HABP4: variants seen among roughly 807,000 people sequenced by gnomAD.
The protein encoded by HABP4 is intracellular hyaluronan-binding protein 4.
HABP4 carries 32 observed loss-of-function variants against 44.1 expected under a neutral mutation model. The ratio of observed to expected loss-of-function variants is 0.73; its 90% CI spans 0.55 to 0.97. The LOEUF (loss-of-function observed/expected upper bound fraction) is 0.97. Among genes scored for constraint, HABP4 ranks in the 50% least tolerant of loss-of-function variants. The pLI is 0.00. For synonymous variants in HABP4, 216 were observed against 218.0 expected, an observed-to-expected ratio of 0.99 and a Z score of 0.08; for missense variants, 503 against 561.9, an observed-to-expected ratio of 0.90 and a Z score of 1.06.
chr9:96,474,559 G>T (rs1277410905), intron 5 of HABP4, among the ~76,000 whole-genome samples: 1 of 152,136 alleles, frequency 6.6e-6, no homozygotes, highest in Non-Finnish European at 1.5e-5. Context: ...CTTTTCTGCT[G>T]ACCTGGGGGG....
At chr9:96,470,961 A>G (rs1341670049) in intron 4 of HABP4, 50 bp from the exon 5 acceptor site, 2 of 1,011,394 alleles carry the variant, frequency 2.0e-6, no homozygotes, top group African/African-American at 3.2e-5. Flanking sequence ...ATACAAAGGC[A>G]TTGGTATGAA....
chr9:96,481,613 C>G (rs1832881566), intron 5 of HABP4, among the ~76,000 whole-genome samples: 1 of 151,864 alleles, frequency 6.6e-6, no homozygotes, highest in South Asian at 2.1e-4. Flanking sequence ...GGCCTGATGG[C>G]TCGTACCTGT....
intron 5 of HABP4, among the ~76,000 whole-genome samples, chr9:96,481,567 A>AC (rs532698887): frequency 1.9e-4 from 29 of 151,674 alleles, no homozygotes; most frequent in African/African-American, 5.8e-4. Flanking sequence ...ACATGGAGAG[A>AC]CCCCGTCTCT....
chr9:96,463,792 C>T (rs914395590), intron 2 of HABP4, among the ~76,000 whole-genome samples: 2 of 152,188 alleles, frequency 1.3e-5, no homozygotes, highest in East Asian at 1.9e-4. Context: ...TATTGTATAG[C>T]GGTTTCTTAA....
At chr9:96,477,587 C>G (rs1832802789) in intron 5 of HABP4, among the ~76,000 whole-genome samples, 1 of 152,120 alleles carries the variant, frequency 6.6e-6, no homozygotes, top group African/African-American at 2.4e-5. Context: ...CAAGACACTT[C>G]TTCAGTTTCC....
chr9:96,451,399 A>C (rs1383378375), intron 1 of HABP4: 1 of 831,632 alleles, frequency 1.2e-6, no homozygotes, highest in African/African-American at 1.8e-5. Flanking sequence ...TTCAGAGTTC[A>C]TTCTCTCACC....
At chr9:96,458,947 T>A (rs1587673493) in intron 2 of HABP4, among the ~76,000 whole-genome samples, 1 of 152,168 alleles carries the variant, frequency 6.6e-6, no homozygotes, top group African/African-American at 2.4e-5. Context: ...TTCTACTGGC[T>A]ACTGCTTTTT....
At chr9:96,485,662 G>A (rs1832963620) in intron 6 of HABP4, among the ~76,000 whole-genome samples, 1 of 152,136 alleles carries the variant, frequency 6.6e-6, no homozygotes, top group Admixed American at 6.5e-5. Context: ...GATGCCATGG[G>A]GTCATCAAGT....
At chr9:96,457,212 C>G (rs954990117) in intron 1 of HABP4, among the ~76,000 whole-genome samples, 7 of 151,980 alleles carry the variant, frequency 4.6e-5, no homozygotes, top group African/African-American at 7.3e-5. Flanking sequence ...ACTGAAAATA[C>G]AACATTAGCC....
chr9:96,454,283 T>A (rs1007778183), intron 1 of HABP4, among the ~76,000 whole-genome samples: 9 of 152,212 alleles, frequency 5.9e-5, no homozygotes, highest in Admixed American at 3.3e-4. Flanking sequence ...TTAAAATAAC[T>A]CTTTTTACGC....
At chr9:96,472,296 C>T (rs543951518) in intron 5 of HABP4, among the ~76,000 whole-genome samples, 15 of 152,220 alleles carry the variant, frequency 9.9e-5, no homozygotes, top group South Asian at 2.1e-4. Flanking sequence ...CAGGCCTTGG[C>T]GATCCCCGGT....
Position 96,471,041 on chromosome 9 carries a change from AC to A in HABP4, c.777del (p.Thr260GlnfsTer23). The A allele has an allele frequency of 6.2e-7, 1 of 1,609,040 alleles. No individual in the cohort carries two copies. Among genetic ancestry groups the A allele is most frequent in the Non-Finnish European group, 8.5e-7 (1 of 1,175,410 alleles). On this transcript the variant is annotated frameshift_variant, in exon 5 of 8. Transcript: ENST00000375249. LOFTEE classifies it high-confidence loss of function. ...TGGAGCCAACTGCACCGATGGAGGA[AC>A]CCACAGTGGTGGAGGAGTCCCAGGG... ...DVEPTAPMEE[P>X]TVVEESQGTP... is the part of the protein sequence containing the mutation.
chr9:96,456,628 C>T (rs371898426), intron 1 of HABP4, among the ~76,000 whole-genome samples: 3 of 150,676 alleles, frequency 2.0e-5, no homozygotes, highest in Non-Finnish European at 3.0e-5. Context: ...GGCGTGGTGG[C>T]GGGCGCCTAT....
At chr9:96,475,500 T>C (rs1832772660) in intron 5 of HABP4, among the ~76,000 whole-genome samples, 1 of 152,038 alleles carries the variant, frequency 6.6e-6, no homozygotes, top group African/African-American at 2.4e-5. Flanking sequence ...TCTTTGCCAC[T>C]CCATGAAGGA....
chr9:96,472,500 C>A (rs371421420), intron 5 of HABP4, among the ~76,000 whole-genome samples: 58 of 152,334 alleles, frequency 3.8e-4, no homozygotes, highest in East Asian at 1.5e-3. Flanking sequence ...GCCAAAGATA[C>A]AAGACTGCTA....
chr9:96,450,606 C>G lies in HABP4; in HGVS notation c.327C>G (p.Pro109=). The G allele has an allele frequency of 1.6e-6, 2 of 1,270,884 alleles. No homozygotes were observed. Among genetic ancestry groups the G allele is most frequent in the South Asian group, 2.7e-5 (1 of 36,918 alleles). 78.7% of individuals were successfully genotyped at this position (1,270,884 alleles called of 1,614,324 possible). A position where few individuals can be genotyped will look rare whatever the true frequency, so the allele number is the denominator to read the frequency against. ...CCGTCGCTCAGCGGCCCGATAGCCCCGGGGGCGGCCTGCAGGCGCCGGGTA... is the reference window on the plus strand; with the variant it reads ...CCGTCGCTCAGCGGCCCGATAGCCCGGGGGGCGGCCTGCAGGCGCCGGGTA... ...PAPVAQRPDS[P]GGGLQAPGQK... is the part of the protein sequence containing the mutation. The change falls in exon 1 of 8, where the codon CCC becomes CCG. Residue 109 remains proline (P), a synonymous_variant. Coordinates refer to ENST00000375249, the MANE Select transcript of HABP4 (RefSeq NM_014282.4). This position sits in a 1 kb window ranked among gnomAD's most constrained non-coding sequence, Gnocchi z 4.8.
rs1833065798 is a variant in HABP4, at chr9:96,490,190, G to A, written c.*152G>A. On this transcript the variant is annotated 3_prime_UTR_variant, in exon 8 of 8. Transcript: ENST00000375249. ...TGCACTTTTTTGGGCTGAGCTGTTA[G>A]AGGGGCTTCTCCAGAGGCTCGAGAG... is the stretch of plus-strand genomic sequence containing the variant. 7.9e-6 allele frequency: 5 copies of A among 632,910 alleles called. No homozygotes were observed. Among genetic ancestry groups the A allele is most frequent in the African/African-American group, 1.8e-5 (1 of 54,846 alleles). 39.2% of individuals were successfully genotyped at this position (632,910 alleles called of 1,614,324 possible). A position where few individuals can be genotyped will look rare whatever the true frequency, so the allele number is the denominator to read the frequency against.
In HABP4 at chr9:96,471,111, A is replaced by G; in HGVS notation, c.827+17A>G. On this transcript the variant is annotated intron_variant, in intron 5 of 7. Transcript: ENST00000375249. ...TCCAGCCAAGTAGGGCATTTTGTTCATTCCCCATTGTGGTGTTGGTTCTCT... is the reference window on the plus strand; with the variant it reads ...TCCAGCCAAGTAGGGCATTTTGTTCGTTCCCCATTGTGGTGTTGGTTCTCT... The G allele has an allele frequency of 7.7e-7, 1 of 1,303,328 alleles. No homozygotes were observed. The highest frequency in any genetic ancestry group is 2.3e-5 in the East Asian group (1 of 43,470). 80.7% of individuals were successfully genotyped at this position (1,303,328 alleles called of 1,614,324 possible). A position where few individuals can be genotyped will look rare whatever the true frequency, so the allele number is the denominator to read the frequency against.
At chr9:96,456,088 G>A (rs1368164125) in intron 1 of HABP4, among the ~76,000 whole-genome samples, 1 of 152,050 alleles carries the variant, frequency 6.6e-6, no homozygotes, top group East Asian at 1.9e-4. Flanking sequence ...GAAACATTAT[G>A]CTCCACTTAT....
Sources: gnomAD v4.1 joint callset for allele counts (sites outside exome capture counted in the v4.1 genomes callset) on GRCh38, gnomAD v4.1.1 for gene constraint, Gnocchi (gnomAD v3.1) non-coding constraint, MANE v1.5 for transcripts, NCBI Gene and HGNC (gene_info 2026-07-23, HGNC 2026-07-21) for gene names.